Variants in KLF12 observed in about 807,000 individuals in gnomAD.
KLF12 encodes Krueppel-like factor 12.
In KLF12, 9 loss-of-function variants were observed where a neutral mutation model predicts 37.8. The ratio of observed to expected loss-of-function variants is 0.24; its 90% confidence interval spans 0.14 to 0.42. The LOEUF is 0.42. KLF12 is among the 10% of genes least tolerant of loss of function. The pLI, the probability that KLF12 is intolerant of heterozygous loss-of-function variation, is 1.00. For missense variants in KLF12, 411 were observed against 516.0 expected (o/e 0.80, Z 1.97); for synonymous variants, 208 against 202.1 (o/e 1.03, Z -0.25).
At chr13:74,216,812 G>A in the KLF12 span, among the ~76,000 whole-genome samples, 422 of 152,180 alleles carry the variant, frequency 2.8e-3, 3 homozygotes, top group African/African-American at 9.9e-3. Context: ...CTACCTTGAC[G>A]GGAAGGAGAG....
chr13:73,952,320 T>C (rs1011205650), intron 2 of KLF12, among the ~76,000 whole-genome samples: 9 of 152,162 alleles, frequency 5.9e-5, no homozygotes, highest in Non-Finnish European at 1.2e-4. Context: ...CTTACAATCA[T>C]GGCAGAAGGC....
rs190109199 is a variant in KLF12 at position 74,035,956 on chromosome 13, C to T, written c.-31-40903G>A. 5.4e-3 allele frequency among the ~76,000 whole-genome samples: 817 copies of T among 152,232 alleles called. 4 individuals are homozygous for T. The highest frequency in any genetic ancestry group is 8.4e-3 in the Admixed American group (129 of 15,288). On this transcript the variant is annotated intron_variant, in intron 1 of 7. Transcript: ENST00000377669. ...CATGGGAGTTAATAGGGAAGAACCT[C>T]ATCTTAAATTAACAGGTCTAGTGGT...
intron 6 of KLF12, among the ~76,000 whole-genome samples, chr13:73,756,519 T>C (rs184644362): frequency 2.6e-5 from 4 of 152,314 alleles, no homozygotes; most frequent in African/African-American, 9.6e-5. Flanking sequence ...TAACTAATGA[T>C]AGAGTGCTTT....
chr13:74,161,148 G>C, the KLF12 span, among the ~76,000 whole-genome samples: 7 of 151,388 alleles, frequency 4.6e-5, no homozygotes, highest in Non-Finnish European at 7.4e-5. Flanking sequence ...AGGGGGATTT[G>C]AGAAAGGTGG....
intron 1 of KLF12, among the ~76,000 whole-genome samples, chr13:74,116,690 G>C (rs1877320142): frequency 6.6e-6 from 1 of 152,190 alleles, no homozygotes; most frequent in African/African-American, 2.4e-5. Flanking sequence ...TGGAAACTAG[G>C]ATAGAAATTT....
intron 1 of KLF12, among the ~76,000 whole-genome samples, chr13:74,020,890 CAA>C (rs377702369): frequency 1.1e-4 from 13 of 118,026 alleles, no homozygotes; most frequent in East Asian, 2.6e-4. Context: ...CACTCCGTCT[CAA>C]AAAAAAAAAA....
chr13:74,274,812 T>C, the KLF12 span, among the ~76,000 whole-genome samples: 2 of 152,172 alleles, frequency 1.3e-5, no homozygotes, highest in African/African-American at 4.8e-5. Flanking sequence ...TTACATGTCA[T>C]AGTTTTTCAT....
intron 5 of KLF12, among the ~76,000 whole-genome samples, chr13:73,769,082 T>C (rs1880113939): frequency 1.3e-5 from 2 of 152,252 alleles, no homozygotes; most frequent in African/African-American, 2.4e-5. Context: ...TGGGTACTTA[T>C]AAGAAGCACA....
intron 7 of KLF12, among the ~76,000 whole-genome samples, chr13:73,696,249 G>A (rs1566302590): frequency 6.6e-6 from 1 of 152,076 alleles, no homozygotes; most frequent in African/African-American, 2.4e-5. Flanking sequence ...TTCTTTGGGG[G>A]AAAATCCTAG....
intron 5 of KLF12, among the ~76,000 whole-genome samples, chr13:73,785,051 G>C (rs1881249313): frequency 6.6e-6 from 1 of 151,936 alleles, no homozygotes; most frequent in Admixed American, 6.6e-5. Context: ...GGCTACTCCA[G>C]AGAAATTAGT....
intron 1 of KLF12, among the ~76,000 whole-genome samples, chr13:74,066,901 A>T (rs1447699158): frequency 6.6e-6 from 1 of 152,204 alleles, no homozygotes; most frequent in Non-Finnish European, 1.5e-5. Context: ...TTAAGCAAAT[A>T]AACAATAGGT....
chr13:74,021,424 G>A (rs961537090), intron 1 of KLF12, among the ~76,000 whole-genome samples: 12 of 152,276 alleles, frequency 7.9e-5, no homozygotes, highest in African/African-American at 2.6e-4. Context: ...AGTAGAAGAG[G>A]CTACAAATAG....
intron 3 of KLF12, among the ~76,000 whole-genome samples, chr13:73,901,320 T>C (rs1888030166): frequency 6.6e-6 from 1 of 152,314 alleles, no homozygotes. Flanking sequence ...TACCTAATGA[T>C]AATTACAGTC....
rs751402022 is a variant in KLF12, at chr13:73,788,081, T to C, written c.807-23081A>G. On this transcript the variant is annotated intron_variant, in intron 5 of 7. Transcript: ENST00000377669. ...GGTTCTCTTATAATATAAAGTCTCA[T>C]TGCTCAATAAGACACTTTTCTTTGA... Among the ~76,000 whole-genome samples the C allele has an allele frequency of 2.0e-5, 3 of 152,178 alleles. No individual in the cohort carries two copies. In the South Asian group the frequency reaches 6.2e-4, roughly 32 times the overall value.
intron 7 of KLF12, among the ~76,000 whole-genome samples, chr13:73,709,703 T>C (rs1875214378): frequency 6.6e-6 from 1 of 152,206 alleles, no homozygotes; most frequent in East Asian, 1.9e-4. Context: ...AGTGGATGAA[T>C]GGATTTGACA....
At chr13:73,893,596 G>T (rs1297460101) in intron 3 of KLF12, among the ~76,000 whole-genome samples, 1 of 151,832 alleles carries the variant, frequency 6.6e-6, no homozygotes, top group Non-Finnish European at 1.5e-5. Context: ...TGGCCAGGCT[G>T]GTCTTAAACT....
chr13:73,838,662 T>C (rs1025763116), intron 4 of KLF12, among the ~76,000 whole-genome samples: 1 of 136,776 alleles, frequency 7.3e-6, no homozygotes, highest in Non-Finnish European at 1.6e-5. Flanking sequence ...TAAATGCTGA[T>C]AGACTCTGCG....
chr13:74,035,484 T>A (rs879500760), intron 1 of KLF12, among the ~76,000 whole-genome samples: 1 of 152,224 alleles, frequency 6.6e-6, no homozygotes, highest in Non-Finnish European at 1.5e-5. Flanking sequence ...TCGATAAATA[T>A]GTCTCAAAAG....
chr13:74,179,532 G>A, the KLF12 span, among the ~76,000 whole-genome samples: 1 of 152,132 alleles, frequency 6.6e-6, no homozygotes, highest in South Asian at 2.1e-4. Context: ...GCCTGGAGAT[G>A]TACTGAAAAA....
Sources: gnomAD v4.1 joint callset for allele counts (sites outside exome capture counted in the v4.1 genomes callset) on GRCh38, gnomAD v4.1.1 for gene constraint, MANE v1.5 for transcripts, NCBI Gene and HGNC (gene_info 2026-07-23, HGNC 2026-07-21) for gene names.